EML6: variants seen among roughly 807,000 people sequenced by gnomAD.
The protein encoded by EML6 is echinoderm microtubule-associated protein-like 6.
A neutral mutation model predicts 240.1 loss-of-function variants in EML6; 154 were observed. The observed-to-expected ratio is 0.64, with a 90% CI of 0.56 to 0.73. The LOEUF (loss-of-function observed/expected upper bound fraction) is 0.73, where lower values mean the gene tolerates loss of function less well. Ranked by LOEUF, EML6 falls within the 30% of genes least tolerant of loss-of-function variation. The probability of loss-of-function intolerance (pLI) is 0.00; values close to 1 mark genes in which losing one functional copy is unlikely to be tolerated. For missense variants in EML6, 2,964 were observed against 2,474.6 expected, an observed-to-expected ratio of 1.20 and a Z score of -4.20; for synonymous variants, 1,148 against 899.0, an observed-to-expected ratio of 1.28 and a Z score of -4.95.
chr2:54,847,898 A>G (rs758831119), intron 9 of EML6, among the ~76,000 whole-genome samples: 12 of 152,216 alleles, frequency 7.9e-5, no homozygotes, highest in African/African-American at 9.6e-5. Flanking sequence ...ATCATGTGTC[A>G]TGTGACTTGC....
chr2:54,858,741 T>C (rs530087670), intron 11 of EML6, among the ~76,000 whole-genome samples: 31 of 152,204 alleles, frequency 2.0e-4, no homozygotes, highest in Admixed American at 2.0e-3. Context: ...TTACAAATCA[T>C]TGCCTCTCCA....
chr2:54,879,760 T>TTA (rs1408340816), intron 17 of EML6, 120 bp downstream of exon 17: 1 of 680,554 alleles, frequency 1.5e-6, no homozygotes, highest in African/African-American at 1.8e-5. Context: ...CGTAGAAGGC[T>TTA]TAGCACCTAA....
At chr2:54,838,162 T>C (rs1263361884) in intron 7 of EML6, among the ~76,000 whole-genome samples, 2 of 152,218 alleles carry the variant, frequency 1.3e-5, no homozygotes, top group Non-Finnish European at 2.9e-5. Flanking sequence ...GAAAGGCCCA[T>C]AGGGCACTTC....
At chr2:54,816,746 C>G in intron 3 of EML6, 41 bp from the exon 4 acceptor site, 1 of 1,377,390 alleles carries the variant, frequency 7.3e-7, no homozygotes, top group Non-Finnish European at 1.0e-6. Flanking sequence ...AGTAAGTCTT[C>G]CCATCACTTT....
intron 5 of EML6, among the ~76,000 whole-genome samples, chr2:54,823,945 G>C (rs1668464171): frequency 6.7e-6 from 1 of 149,150 alleles, no homozygotes; most frequent in African/African-American, 2.5e-5. Flanking sequence ...TTACATTAAA[G>C]AGTATGGAAC....
intron 28 of EML6, among the ~76,000 whole-genome samples, chr2:54,942,286 C>A (rs1034570853): frequency 6.6e-6 from 1 of 152,180 alleles, no homozygotes; most frequent in Non-Finnish European, 1.5e-5. Flanking sequence ...ACAGTGTAAT[C>A]ATCAAATCAA....
chr2:54,852,062 T>C (rs899432048), intron 10 of EML6, among the ~76,000 whole-genome samples: 2 of 152,210 alleles, frequency 1.3e-5, no homozygotes, highest in Non-Finnish European at 2.9e-5. Flanking sequence ...CATTTCAAGA[T>C]TTAAGTCTTC....
rs773468453 is a variant in EML6 at position 54,892,448 on chromosome 2, C to T, written c.2540-6C>T. 3.9e-6 allele frequency: 6 copies of T among 1,548,552 alleles called. No individual in the cohort carries two copies. Among genetic ancestry groups the T allele is most frequent in the African/African-American group, 2.7e-5 (2 of 72,940 alleles). Reference sequence around the variant, plus strand: ...TAAAGTAATAACTGTTCTTGGTCCACTCTAGGTGGGGGCTTCACTTCTAAA... The same window carrying T: ...TAAAGTAATAACTGTTCTTGGTCCATTCTAGGTGGGGGCTTCACTTCTAAA... On this transcript the variant is annotated splice_polypyrimidine_tract_variant and splice_region_variant and intron_variant, in intron 18 of 41. Transcript: ENST00000356458.
intron 17 of EML6, 32 bp downstream of exon 17, chr2:54,879,672 G>A (rs139386128): frequency 1.8e-5 from 22 of 1,238,460 alleles, no homozygotes; most frequent in Middle Eastern, 1.8e-4. Context: ...ACGGTATCCT[G>A]CTGATACCAC....
At chr2:54,795,091 ACTTGGT>A (rs1206990920) in intron 2 of EML6, among the ~76,000 whole-genome samples, 2 of 152,134 alleles carry the variant, frequency 1.3e-5, no homozygotes, top group Non-Finnish European at 2.9e-5. Flanking sequence ...TTTTGCTTTA[ACTTGGT>A]CTTAAGCTTC....
At chr2:54,951,723 C>T (rs887196943) in intron 30 of EML6, among the ~76,000 whole-genome samples, 17 of 151,242 alleles carry the variant, frequency 1.1e-4, no homozygotes, top group African/African-American at 3.6e-4. Flanking sequence ...AAACACCTTT[C>T]ATTTTAAATT....
At chr2:54,726,550 GT>G (rs1659885567) in intron 2 of EML6, among the ~76,000 whole-genome samples, 1 of 152,060 alleles carries the variant, frequency 6.6e-6, no homozygotes, top group South Asian at 2.1e-4. Flanking sequence ...GAAGATGGGA[GT>G]GCTAATGTTC....
At chr2:54,799,167 T>A (rs1669980333) in intron 2 of EML6, among the ~76,000 whole-genome samples, 1 of 152,308 alleles carries the variant, frequency 6.6e-6, no homozygotes, top group African/African-American at 2.4e-5. Context: ...TTCAAGTGAT[T>A]CTCTTGCCTC....
intron 2 of EML6, among the ~76,000 whole-genome samples, chr2:54,797,177 A>ACAAAAAAAAAAAAAAC (rs1198972467): frequency 7.5e-6 from 1 of 132,688 alleles, no homozygotes; most frequent in Non-Finnish European, 1.6e-5. Flanking sequence ...AAAAAAAAAA[A>ACAAAAAAAAAAAAAAC]AAAAAAAAAA....
chr2:54,824,471 T>C (rs1329958265), intron 5 of EML6, among the ~76,000 whole-genome samples: 1 of 152,174 alleles, frequency 6.6e-6, no homozygotes, highest in Non-Finnish European at 1.5e-5. Context: ...TCTCCACTTT[T>C]TTTTCCCCAG....
chr2:54,928,899 A>C, intron 28 of EML6, 148 bp downstream of exon 28: 1 of 965,402 alleles, frequency 1.0e-6, no homozygotes, highest in Admixed American at 2.7e-5. Flanking sequence ...ACACAGGCTT[A>C]AGCTGAGAAA....
At chr2:54,921,676 C>T (rs1035704292) in intron 26 of EML6, among the ~76,000 whole-genome samples, 4 of 152,140 alleles carry the variant, frequency 2.6e-5, no homozygotes, top group African/African-American at 7.2e-5. Context: ...ATATACATTT[C>T]AAACTATATT....
rs188032024 is a variant in EML6 at position 54,904,637 on chromosome 2, C to T, written c.3409+1135C>T. ...ATGAAGAAATAGAAGTGCTCAGTGG[C>T]TGAGGGTGTGAAGGGAGGGGAATGT... On this transcript the variant is annotated intron_variant, in intron 24 of 41. Transcript: ENST00000356458. Among the ~76,000 whole-genome samples the T allele has an allele frequency of 3.4e-3, 517 of 152,206 alleles. 2 individuals are homozygous for T. Among genetic ancestry groups the T allele is most frequent in the Admixed American group, 5.3e-3 (81 of 15,288 alleles).
intron 38 of EML6, 82 bp downstream of exon 38, chr2:54,964,815 C>A: frequency 7.5e-7 from 1 of 1,334,860 alleles, no homozygotes; most frequent in Non-Finnish European, 1.0e-6. Flanking sequence ...CGAGTCCTTA[C>A]TGTGTACCAG....
Sources: allele counts gnomAD v4.1 joint callset (sites outside exome capture counted in the v4.1 genomes callset), GRCh38; gene constraint gnomAD v4.1.1; transcripts MANE v1.5; gene names NCBI Gene and HGNC (gene_info 2026-07-23, HGNC 2026-07-21).